The following ANKRD12 variants were observed in gnomAD, a reference collection of about 807,000 sequenced individuals.
ANKRD12 encodes the protein ankyrin repeat domain-containing protein 12.
ANKRD12 carries 85 observed loss-of-function variants against 183.4 expected under a neutral mutation model. That is an observed-to-expected ratio of 0.46 (90% CI 0.39 to 0.56). The LOEUF (loss-of-function observed/expected upper bound fraction) is 0.56. Among genes scored for constraint, ANKRD12 ranks in the 20% least tolerant of loss-of-function variants. The pLI, the probability that ANKRD12 is intolerant of heterozygous loss-of-function variation, is 0.00. For synonymous variants in ANKRD12, 914 were observed against 800.2 expected, an observed-to-expected ratio of 1.14 and a Z score of -2.40; for missense variants, 2,405 against 2,357.1, an observed-to-expected ratio of 1.02 and a Z score of -0.42.
At chr18:9,190,797 G>C (rs897175279) in intron 2 of ANKRD12, among the ~76,000 whole-genome samples, 2 of 152,108 alleles carry the variant, frequency 1.3e-5, no homozygotes, top group African/African-American at 4.8e-5. Context: ...ATGTATTTTA[G>C]ACATGATAGT....
intron 10 of ANKRD12, among the ~76,000 whole-genome samples, chr18:9,270,434 T>TA (rs549072647): frequency 2.6e-5 from 4 of 151,932 alleles, no homozygotes; most frequent in African/African-American, 4.8e-5. Context: ...TATGCAGCCA[T>TA]AAAAAAAATG....
At chr18:9,193,135 ATTTTTTTT>A (rs397751904) in intron 2 of ANKRD12, among the ~76,000 whole-genome samples, 7 of 128,446 alleles carry the variant, frequency 5.4e-5, no homozygotes, top group African/African-American at 2.1e-4. Flanking sequence ...TGAGTACAGC[ATTTTTTTT>A]TTTTTTTTTT....
chr18:9,256,417 T>A lies in ANKRD12; in HGVS notation c.3150T>A (p.Asp1050Glu). ...TACTCAAACTAAAATCTGAAGCAGA[T>A]AAGCCTAAACCTAAGTCATCACCAG... is the stretch of plus-strand genomic sequence containing the variant. ...NSLLKLKSEA[D>E]KPKPKSSPAS... The change falls in exon 9 of 13, where the codon GAT becomes GAA. Residue 1050 changes from aspartate to glutamate, a missense_variant. Around this residue, in one of 7 missense-constraint regions of ANKRD12, gnomAD observed 1,983 missense variants for 1,725.9 expected, o/e 1.15. Transcript: ENST00000262126. 6.2e-7 allele frequency: 1 copy of A among 1,611,522 alleles called. No individual in the cohort carries two copies. The highest frequency in any genetic ancestry group is 8.5e-7 in the Non-Finnish European group (1 of 1,179,304).
At chr18:9,162,838 T>C (rs2031608415) in intron 1 of ANKRD12, among the ~76,000 whole-genome samples, 1 of 152,090 alleles carries the variant, frequency 6.6e-6, no homozygotes, top group African/African-American at 2.4e-5. Flanking sequence ...GCTGCATGAA[T>C]TCTTTTCTCG....
intron 10 of ANKRD12, among the ~76,000 whole-genome samples, chr18:9,267,705 A>G (rs929548725): frequency 2.6e-5 from 4 of 150,974 alleles, no homozygotes; most frequent in African/African-American, 9.9e-5. Context: ...CATCACAATT[A>G]AAAGAACTAG....
intron 6 of ANKRD12, among the ~76,000 whole-genome samples, chr18:9,214,476 C>G (rs540077710): frequency 2.0e-5 from 3 of 151,982 alleles, no homozygotes; most frequent in African/African-American, 7.3e-5. Flanking sequence ...GTGACTGACA[C>G]AAATCATCTC....
intron 8 of ANKRD12, among the ~76,000 whole-genome samples, chr18:9,247,978 C>T (rs762705131): frequency 2.0e-5 from 3 of 151,954 alleles, no homozygotes; most frequent in Non-Finnish European, 2.9e-5. Flanking sequence ...GTAGAGACAG[C>T]GTTTCACCAC....
In ANKRD12 at chr18:9,255,005, C is replaced by T. The variant is rs148294667; in HGVS notation, c.1738C>T (p.Leu580Phe). The T allele has an allele frequency of 1.9e-6, 3 of 1,608,740 alleles. No individual in the cohort carries two copies. Among genetic ancestry groups the T allele is most frequent in the East Asian group, 4.5e-5 (2 of 44,596 alleles). Residue 580 changes from leucine (L) to phenylalanine (F), a missense_variant, in exon 9 of 13, where the codon CTT becomes TTT. By Grantham distance (22) the Leu-to-Phe change is conservative. Transcript: ENST00000262126. ...TTCTGAAATGTCATTACAGCCTGAT[C>T]TTGTTCGGTATGATAATACAGAATC... ...GSSEMSLQPD[L>F]VRYDNTESEF...
intron 8 of ANKRD12, among the ~76,000 whole-genome samples, chr18:9,251,316 ATTGATGGT>A (rs1053320695): frequency 1.3e-5 from 2 of 152,222 alleles, no homozygotes; most frequent in African/African-American, 2.4e-5. Context: ...AAAGATGGAC[ATTGATGGT>A]TCAGGGGAAC....
At chr18:9,248,715 G>C (rs1054758721) in intron 8 of ANKRD12, among the ~76,000 whole-genome samples, 3 of 151,860 alleles carry the variant, frequency 2.0e-5, no homozygotes, top group African/African-American at 7.2e-5. Flanking sequence ...AAAACCAGGA[G>C]CTCAGTGTAG....
chr18:9,156,898 T>G (rs1477846112), intron 1 of ANKRD12, among the ~76,000 whole-genome samples: 3 of 152,136 alleles, frequency 2.0e-5, no homozygotes, highest in Non-Finnish European at 4.4e-5. Context: ...AGGAAAAATA[T>G]CATATGATTG....
intron 3 of ANKRD12, among the ~76,000 whole-genome samples, chr18:9,196,691 T>C (rs571883090): frequency 2.6e-5 from 4 of 152,316 alleles, no homozygotes; most frequent in African/African-American, 9.6e-5. Flanking sequence ...TCTCCTTTTG[T>C]GTATTTTGCC....
intron 9 of ANKRD12, chr18:9,260,232 A>G (rs996913157): frequency 2.6e-5 from 4 of 152,160 alleles, no homozygotes; most frequent in Non-Finnish European, 5.9e-5. Context: ...ATGTAATCCA[A>G]TTATAGAACC....
At chr18:9,156,136 T>TTAA in intron 1 of ANKRD12, among the ~76,000 whole-genome samples, 2 of 19,354 alleles carry the variant, frequency 1.0e-4, no homozygotes, top group South Asian at 4.2e-3. Flanking sequence ...AGACTCTGTC[T>TTAA]CAAAAAAAAA....
intron 9 of ANKRD12, chr18:9,260,217 C>G (rs576730285): frequency 6.6e-6 from 1 of 152,280 alleles, no homozygotes; most frequent in Non-Finnish European, 1.5e-5. Context: ...TCTTCCCTCA[C>G]ATTTATGTAA....
At chr18:9,242,673 G>GA in intron 8 of ANKRD12, among the ~76,000 whole-genome samples, 1 of 152,164 alleles carries the variant, frequency 6.6e-6, no homozygotes, top group Non-Finnish European at 1.5e-5. Flanking sequence ...ATTGATTATA[G>GA]AATCAAATTC....
At chr18:9,239,991 ATGTC>A (rs2037567888) in intron 8 of ANKRD12, among the ~76,000 whole-genome samples, 1 of 152,176 alleles carries the variant, frequency 6.6e-6, no homozygotes, top group Admixed American at 6.5e-5. Context: ...TTGTGCCAGA[ATGTC>A]TGTCAGTACA....
chr18:9,267,401 C>A (rs947926796), intron 10 of ANKRD12, among the ~76,000 whole-genome samples: 1 of 152,090 alleles, frequency 6.6e-6, no homozygotes, highest in Non-Finnish European at 1.5e-5. Flanking sequence ...TGTGAAAGAA[C>A]AGAAATTATA....
intron 2 of ANKRD12, among the ~76,000 whole-genome samples, chr18:9,194,326 A>ATTTT (rs1311842654): frequency 1.6e-5 from 2 of 122,760 alleles, no homozygotes; most frequent in South Asian, 5.9e-4. Context: ...GATATAGATA[A>ATTTT]TTTTATTTAT....
Sources: gnomAD v4.1 joint callset for allele counts (sites outside exome capture counted in the v4.1 genomes callset) on GRCh38, gnomAD v4.1.1 for gene constraint, gnomAD v4.1.1 regional missense constraint, MANE v1.5 for transcripts, NCBI Gene and HGNC (gene_info 2026-07-23, HGNC 2026-07-21) for gene names.